The following MIS18A variants were observed in gnomAD, a reference collection of about 807,000 sequenced individuals.
MIS18A encodes MIS18 kinetochore protein A.
MIS18A carries 14 observed loss-of-function variants against 25.0 expected under a neutral mutation model. That is an observed-to-expected ratio of 0.56 (90% CI 0.37 to 0.88). MIS18A has a LOEUF of 0.88. MIS18A is among the 40% of genes least tolerant of loss of function. The pLI, the probability that MIS18A is intolerant of heterozygous loss-of-function variation, is 0.00. For synonymous variants in MIS18A, 134 were observed against 118.6 expected (o/e 1.13, Z -0.84); for missense variants, 292 against 290.8 (o/e 1.00, Z -0.03).
intron 2 of MIS18A, among the ~76,000 whole-genome samples, chr21:32,271,830 C>T (rs1355327748): frequency 1.3e-5 from 2 of 152,186 alleles, no homozygotes; most frequent in Non-Finnish European, 2.9e-5. Flanking sequence ...AACCTCCATG[C>T]TATATATCAA....
the MIS18A span, among the ~76,000 whole-genome samples, chr21:32,252,243 AGG>A: frequency 8.1e-4 from 39 of 48,092 alleles, no homozygotes; most frequent in South Asian, 4.4e-3. Flanking sequence ...AAGAAGAAGG[AGG>A]AGGAGGAGGA....
chr21:32,192,727 C>G, the MIS18A span, among the ~76,000 whole-genome samples: 1 of 152,198 alleles, frequency 6.6e-6, no homozygotes, highest in Non-Finnish European at 1.5e-5. Flanking sequence ...ATCTCAGGTG[C>G]CTCCAAACTC....
intron 1 of MIS18A, 69 bp downstream of exon 1, chr21:32,278,612 C>T: frequency 7.1e-7 from 1 of 1,414,128 alleles, no homozygotes. Flanking sequence ...TCCTCCCGGG[C>T]CGCCCACGCG....
chr21:32,210,006 C>T, the MIS18A span, among the ~76,000 whole-genome samples: 2 of 152,170 alleles, frequency 1.3e-5, no homozygotes, highest in African/African-American at 4.8e-5. Flanking sequence ...ATAACATGCT[C>T]AAGGCCAAGA....
chr21:32,205,928 A>AC, the MIS18A span, among the ~76,000 whole-genome samples: 106 of 150,250 alleles, frequency 7.1e-4, no homozygotes, highest in African/African-American at 2.0e-3. Flanking sequence ...GGTTTGAGAG[A>AC]CCCCCCCCAT....
intron 3 of MIS18A, among the ~76,000 whole-genome samples, 165 bp from the exon 4 acceptor site, chr21:32,269,968 G>C (rs2123463492): frequency 6.6e-6 from 1 of 152,220 alleles, no homozygotes; most frequent in South Asian, 2.1e-4. Context: ...TAGCTACTTG[G>C]GAGGCTGAGG....
the MIS18A span, among the ~76,000 whole-genome samples, chr21:32,218,176 G>C: frequency 8.6e-6 from 1 of 116,604 alleles, no homozygotes; most frequent in Non-Finnish European, 1.6e-5. Flanking sequence ...CTAGGCAACA[G>C]AGTGAGACTC....
chr21:32,212,315 C>T, the MIS18A span, among the ~76,000 whole-genome samples: 1 of 152,222 alleles, frequency 6.6e-6, no homozygotes, highest in Non-Finnish European at 1.5e-5. Context: ...TGCCTCCGTC[C>T]TCCTACTTCT....
the MIS18A span, among the ~76,000 whole-genome samples, chr21:32,166,902 A>C: frequency 6.6e-6 from 1 of 152,168 alleles, no homozygotes; most frequent in Non-Finnish European, 1.5e-5. Context: ...ACCTTGACTG[A>C]GTGATCAAGG....
the MIS18A span, among the ~76,000 whole-genome samples, chr21:32,199,021 T>A: frequency 6.6e-6 from 1 of 152,120 alleles, no homozygotes; most frequent in Non-Finnish European, 1.5e-5. Context: ...ATATGCACAT[T>A]AAGGTCACAA....
chr21:32,175,292 A>G, the MIS18A span, among the ~76,000 whole-genome samples: 12 of 152,162 alleles, frequency 7.9e-5, no homozygotes, highest in Non-Finnish European at 5.9e-5. Flanking sequence ...GAGCTTGCAG[A>G]ACTAGAAGTC....
chr21:32,260,723 A>T, the MIS18A span: 1 of 152,380 alleles, frequency 6.6e-6, no homozygotes, highest in African/African-American at 2.4e-5. Flanking sequence ...ATTTTCAAAC[A>T]ATACACAGGC....
chr21:32,260,344 A>C, the MIS18A span: 1 of 152,328 alleles, frequency 6.6e-6, no homozygotes. Context: ...AGTGGCACTC[A>C]AGCAAGATCT....
chr21:32,250,467 A>G, the MIS18A span, among the ~76,000 whole-genome samples: 1 of 152,080 alleles, frequency 6.6e-6, no homozygotes, highest in Non-Finnish European at 1.5e-5. Context: ...GGGACCTCAC[A>G]TCCCTCTCCC....
the MIS18A span, among the ~76,000 whole-genome samples, chr21:32,204,162 G>T: frequency 6.6e-6 from 1 of 152,130 alleles, no homozygotes; most frequent in Admixed American, 6.6e-5. Flanking sequence ...ATAACAAGCT[G>T]CTGATGGAGC....
At chr21:32,259,652 T>C in the MIS18A span, among the ~76,000 whole-genome samples, 1 of 152,354 alleles carries the variant, frequency 6.6e-6, no homozygotes, top group East Asian at 1.9e-4. Context: ...CCTCTTGGGA[T>C]GTGCCTGTCT....
chr21:32,244,513 G>C, the MIS18A span, among the ~76,000 whole-genome samples: 3 of 152,136 alleles, frequency 2.0e-5, no homozygotes, highest in Non-Finnish European at 4.4e-5. Context: ...AAGGTGGGAG[G>C]ATCACTTGAG....
chr21:32,169,225 C>T, the MIS18A span, among the ~76,000 whole-genome samples: 1 of 150,700 alleles, frequency 6.6e-6, no homozygotes, highest in Non-Finnish European at 1.5e-5. Flanking sequence ...AGTCTAGCAG[C>T]CACTGGAAGG....
chr21:32,182,781 C>T, the MIS18A span, among the ~76,000 whole-genome samples: 6 of 152,176 alleles, frequency 3.9e-5, no homozygotes, highest in Non-Finnish European at 7.4e-5. Context: ...GGCCTAGTTT[C>T]CTGTCACCAA....
Sources: gnomAD v4.1 joint callset for allele counts (sites outside exome capture counted in the v4.1 genomes callset) on GRCh38, gnomAD v4.1.1 for gene constraint, MANE v1.5 for transcripts, NCBI Gene and HGNC (gene_info 2026-07-23, HGNC 2026-07-21) for gene names.